PDE8B: variants seen among roughly 807,000 people sequenced by gnomAD.
PDE8B encodes the protein high affinity cAMP-specific and IBMX-insensitive 3',5'-cyclic phosphodiesterase 8B.
In PDE8B, 26 loss-of-function variants were observed where a neutral mutation model predicts 101.3. The ratio of observed to expected loss-of-function variants is 0.26; its 90% CI spans 0.19 to 0.36. PDE8B has a LOEUF of 0.36. Ranked by LOEUF, PDE8B falls within the 10% of genes least tolerant of loss-of-function variation. The pLI, the probability that PDE8B is intolerant of heterozygous loss-of-function variation, is 1.00. For synonymous variants in PDE8B, 424 were observed against 429.3 expected (o/e 0.99, Z 0.15); for missense variants, 810 against 1,163.1 (o/e 0.70, Z 4.42).
chr5:77,217,454 G>A (rs905972458), intron 1 of PDE8B, among the ~76,000 whole-genome samples: 1 of 151,986 alleles, frequency 6.6e-6, no homozygotes, highest in East Asian at 1.9e-4. Context: ...ATATTAAAAT[G>A]TGTCCAGGAA....
chr5:77,261,759 C>A (rs1760637148), intron 1 of PDE8B, among the ~76,000 whole-genome samples: 2 of 152,220 alleles, frequency 1.3e-5, no homozygotes, highest in Non-Finnish European at 2.9e-5. Context: ...GGAGGATTGT[C>A]CTGATGTGCT....
the PDE8B span, among the ~76,000 whole-genome samples, chr5:77,164,079 C>A: frequency 6.6e-6 from 1 of 152,308 alleles, no homozygotes; most frequent in East Asian, 1.9e-4. Flanking sequence ...ACGTGAGAGT[C>A]CTTGGAAGAA....
intron 1 of PDE8B, among the ~76,000 whole-genome samples, chr5:77,295,799 TG>T (rs1056180920): frequency 1.3e-5 from 2 of 152,244 alleles, no homozygotes; most frequent in Non-Finnish European, 2.9e-5. Flanking sequence ...AGTCTTGATC[TG>T]GTAATTTGGA....
chr5:77,391,324 G>C (rs1010330898), intron 10 of PDE8B, among the ~76,000 whole-genome samples: 1 of 152,114 alleles, frequency 6.6e-6, no homozygotes, highest in Non-Finnish European at 1.5e-5. Flanking sequence ...CACTGCTCTC[G>C]GCACAGAGCA....
At chr5:77,118,222 C>T in the PDE8B span, 1 of 391,266 alleles carries the variant, frequency 2.6e-6, no homozygotes, top group Non-Finnish European at 4.5e-6. Context: ...GCTGGGATTA[C>T]CGGTGTGAGC....
the PDE8B span, among the ~76,000 whole-genome samples, chr5:77,109,968 C>T: frequency 9.8e-6 from 1 of 101,968 alleles, no homozygotes; most frequent in Non-Finnish European, 1.7e-5. Flanking sequence ...GATGGAGTCT[C>T]ACTCTGTCAT....
chr5:77,365,969 T>G (rs1400199896), intron 10 of PDE8B, among the ~76,000 whole-genome samples: 2 of 152,236 alleles, frequency 1.3e-5, no homozygotes, highest in Non-Finnish European at 2.9e-5. Context: ...CTTTACTTCC[T>G]GATTACAGTG....
chr5:77,117,377 A>G, the PDE8B span, among the ~76,000 whole-genome samples: 1 of 152,192 alleles, frequency 6.6e-6, no homozygotes, highest in African/African-American at 2.4e-5. Context: ...AAGTCAGACA[A>G]ACAGGGAACC....
At position 77,423,632 on chromosome 5, in the gene PDE8B, G is replaced by GTTTTTTTTTTTTTTTTTTTTT. The variant is rs71594634; in HGVS notation, c.2418+1651_2418+1671dup. Among the ~76,000 whole-genome samples the GTTTTTTTTTTTTTTTTTTTTT allele has an allele frequency of 1.8e-3, 134 of 74,034 alleles. 26 individuals are homozygous for GTTTTTTTTTTTTTTTTTTTTT. Among genetic ancestry groups the GTTTTTTTTTTTTTTTTTTTTT allele is most frequent in the Middle Eastern group, 9.3e-3 (1 of 108 alleles). 48.6% of individuals were successfully genotyped at this position (74,034 alleles called of 152,430 possible). ...TGATGCTGGACTTTTGTTTTGTTTA[G>GTTTTTTTTTTTTTTTTTTTTT]TTTTTTTTTTTTTTTTTTTTTTTTT... On this transcript the variant is annotated intron_variant, in intron 20 of 21. Transcript: ENST00000264917.
the PDE8B span, among the ~76,000 whole-genome samples, chr5:77,117,303 A>AT: frequency 4.6e-5 from 7 of 151,942 alleles, no homozygotes; most frequent in East Asian, 9.7e-4. Context: ...ATATATATGC[A>AT]TTTTTTTTCA....
the PDE8B span, among the ~76,000 whole-genome samples, chr5:77,171,309 G>T: frequency 6.6e-6 from 1 of 152,182 alleles, no homozygotes; most frequent in South Asian, 2.1e-4. Flanking sequence ...CTTGGGGAAA[G>T]AACTGAAATA....
At chr5:77,135,334 C>T in the PDE8B span, among the ~76,000 whole-genome samples, 1 of 152,180 alleles carries the variant, frequency 6.6e-6, no homozygotes, top group Non-Finnish European at 1.5e-5. Flanking sequence ...ATCTTGACAT[C>T]TAAGAGGATC....
At chr5:77,423,231 T>C (rs1430792221) in intron 20 of PDE8B, among the ~76,000 whole-genome samples, 1 of 152,244 alleles carries the variant, frequency 6.6e-6, no homozygotes. Flanking sequence ...ATGGTGTATA[T>C]GCACCACATT....
Position 77,425,772 on chromosome 5 carries a change from TGAAGA to T in PDE8B, c.2432_2436del (p.Lys811ThrfsTer11), listed in dbSNP as rs771281497. ...GTGGTGGTTTTTTCTTACAGACTGA[TGAAGA>T]GAAGAGACAGGGACTACCTGTGGTG... On this transcript the variant is annotated frameshift_variant, in exon 21 of 22. Transcript: ENST00000264917. LOFTEE classifies it high-confidence loss of function. The T allele has an allele frequency of 3.7e-6, 6 of 1,613,928 alleles. No individual in the cohort carries two copies. Among genetic ancestry groups the T allele is most frequent in the East Asian group, 2.2e-5 (1 of 44,880 alleles).
At chr5:77,277,169 A>T (rs1039887908) in intron 1 of PDE8B, among the ~76,000 whole-genome samples, 1 of 152,182 alleles carries the variant, frequency 6.6e-6, no homozygotes, top group African/African-American at 2.4e-5. Context: ...GGAAAATTGC[A>T]TCTATAGAGT....
chr5:77,273,932 C>T (rs997673973), intron 1 of PDE8B, among the ~76,000 whole-genome samples: 1 of 151,886 alleles, frequency 6.6e-6, no homozygotes. Flanking sequence ...AAGCAATTCT[C>T]CTGCCTCAGC....
chr5:77,395,124 A>G (rs1445435041), intron 10 of PDE8B, among the ~76,000 whole-genome samples: 3 of 151,742 alleles, frequency 2.0e-5, no homozygotes, highest in Admixed American at 6.6e-5. Context: ...AATTCATTCA[A>G]TTTCTTTTTT....
chr5:77,209,956 AG>A (rs1747892804), upstream of PDE8B, among the ~76,000 whole-genome samples: 1 of 152,174 alleles, frequency 6.6e-6, no homozygotes, highest in Non-Finnish European at 1.5e-5. Context: ...CTTCTTCTGA[AG>A]ACTGGGTCAC....
intron 1 of PDE8B, among the ~76,000 whole-genome samples, chr5:77,248,078 G>A (rs1011108421): frequency 6.6e-6 from 1 of 152,232 alleles, no homozygotes; most frequent in Non-Finnish European, 1.5e-5. Context: ...ACAAAGGTAG[G>A]TGCAGAGAAG....
Sources: allele counts gnomAD v4.1 joint callset (sites outside exome capture counted in the v4.1 genomes callset), GRCh38; gene constraint gnomAD v4.1.1; transcripts MANE v1.5; gene names NCBI Gene and HGNC (gene_info 2026-07-23, HGNC 2026-07-21).